Variants in PAPOLG observed in about 807,000 individuals in gnomAD.
PAPOLG encodes poly(A) polymerase gamma.
Under a neutral mutation model 99.0 loss-of-function variants are expected in PAPOLG, and 40 were observed. The ratio of observed to expected loss-of-function variants is 0.40; its 90% CI spans 0.31 to 0.53. PAPOLG has a LOEUF of 0.53. PAPOLG is among the 20% of genes least tolerant of loss of function. PAPOLG has a pLI of 0.41. For missense variants in PAPOLG, 675 were observed against 884.1 expected, an observed-to-expected ratio of 0.76 and a Z score of 3.00; for synonymous variants, 310 against 299.3, an observed-to-expected ratio of 1.04 and a Z score of -0.37.
At chr2:60,768,432 T>C (rs1558683749) in intron 3 of PAPOLG, 38 bp from the exon 4 acceptor site, 2 of 1,603,760 alleles carry the variant, frequency 1.2e-6, no homozygotes, top group Non-Finnish European at 1.7e-6. Flanking sequence ...GCTAAATAAT[T>C]TGAATAATTG....
At position 60,792,441 on chromosome 2, in the gene PAPOLG, TC is replaced by T. The variant is rs1671570294; in HGVS notation, c.1679+153del. 3 of 762,996 alleles carry T rather than the reference TC, an allele frequency of 3.9e-6. No homozygotes were observed. In the African/African-American group the frequency reaches 5.4e-5, roughly 14 times the overall value. 47.3% of individuals were successfully genotyped at this position (762,996 alleles called of 1,614,324 possible). A position where few individuals can be genotyped will look rare whatever the true frequency, so the allele number is the denominator to read the frequency against. On this transcript the variant is annotated intron_variant, in intron 17 of 21. Transcript: ENST00000238714. ...GGTCAATTTCTTGCTTAGAAATAACTCGTGGTAATCCTGTGGGAAACGGTAT... is the reference window on the plus strand; with the variant it reads ...GGTCAATTTCTTGCTTAGAAATAACTGTGGTAATCCTGTGGGAAACGGTAT...
intron 5 of PAPOLG, among the ~76,000 whole-genome samples, chr2:60,769,737 G>A (rs533878080): frequency 6.6e-6 from 1 of 152,078 alleles, no homozygotes. Context: ...GATGATAGCA[G>A]GTTTTTGTTT....
At chr2:60,784,681 A>G (rs1230469584) in intron 13 of PAPOLG, among the ~76,000 whole-genome samples, 1 of 152,228 alleles carries the variant, frequency 6.6e-6, no homozygotes, top group East Asian at 1.9e-4. Flanking sequence ...CAGTCAGAAA[A>G]TAGGGTCTAG....
intron 9 of PAPOLG, among the ~76,000 whole-genome samples, chr2:60,780,236 T>C (rs989732966): frequency 6.6e-6 from 1 of 151,898 alleles, no homozygotes; most frequent in Non-Finnish European, 1.5e-5. Context: ...AACACTGCAT[T>C]AAAATGAGCA....
At chr2:60,791,671 G>C in intron 15 of PAPOLG, 90 bp from the exon 16 acceptor site, 11 of 1,474,428 alleles carry the variant, frequency 7.5e-6, no homozygotes, top group Non-Finnish European at 9.1e-6. Context: ...ATAGTGGGGA[G>C]ATAGTAAAAG....
At position 60,794,264 on chromosome 2, in the gene PAPOLG, A is replaced by G. The variant is rs1479105123; in HGVS notation, c.1989+73A>G. 6.4e-6 allele frequency: 9 copies of G among 1,416,074 alleles called. No individual in the cohort carries two copies. In the Admixed American group the frequency reaches 7.2e-5, roughly 11 times the overall value. 87.7% of individuals were successfully genotyped at this position (1,416,074 alleles called of 1,614,324 possible). A position where few individuals can be genotyped will look rare whatever the true frequency, so the allele number is the denominator to read the frequency against. On this transcript the variant is annotated intron_variant, in intron 19 of 21. Transcript: ENST00000238714. ...GTTAATACTAAAGAAACAATTTTCC[A>G]TAGCTGTTGGTGTTCTGTTAGGAGT...
At position 60,797,273 on chromosome 2, in the gene PAPOLG, C is replaced by T. The variant is rs1040459626; in HGVS notation, c.*113C>T. ...ACGTGAAATAAGGTGAAAGTGACAG[C>T]CTTCAGTCTAATAACCTTGAAGTGG... On this transcript the variant is annotated 3_prime_UTR_variant, in exon 22 of 22. Coordinates refer to ENST00000238714, the MANE Select transcript of PAPOLG (RefSeq NM_022894.4). 204 of 1,336,404 alleles carry T rather than the reference C, an allele frequency of 1.5e-4. No homozygotes were observed. The highest frequency in any genetic ancestry group is 1.9e-4 in the Non-Finnish European group (180 of 954,040). 82.8% of individuals were successfully genotyped at this position (1,336,404 alleles called of 1,614,324 possible). A position where few individuals can be genotyped will look rare whatever the true frequency, so the allele number is the denominator to read the frequency against.
At chr2:60,790,101 A>C (rs1404939457) in intron 15 of PAPOLG, among the ~76,000 whole-genome samples, 1 of 152,240 alleles carries the variant, frequency 6.6e-6, no homozygotes, top group Non-Finnish European at 1.5e-5. Flanking sequence ...TCTCAAAAAA[A>C]GAAAAGAAAA....
At chr2:60,777,879 G>T (rs1203206060) in intron 8 of PAPOLG, among the ~76,000 whole-genome samples, 2 of 152,080 alleles carry the variant, frequency 1.3e-5, no homozygotes, top group African/African-American at 2.4e-5. Flanking sequence ...AGTTTGTGGT[G>T]CCCCAAAACA....
chr2:60,760,381 T>G, intron 2 of PAPOLG, 86 bp downstream of exon 2: 8 of 1,251,126 alleles, frequency 6.4e-6, no homozygotes, highest in Non-Finnish European at 9.0e-6. Context: ...ACTGTGTCTC[T>G]AGATACAGGT....
rs763179625 is a variant in PAPOLG, at chr2:60,793,621, C to T, written c.1680-6C>T. 6.2e-7 allele frequency: 1 copy of T among 1,612,834 alleles called. No homozygotes were observed. Among genetic ancestry groups the T allele is most frequent in the Non-Finnish European group, 8.5e-7 (1 of 1,179,400 alleles). ...TTTATTGATGATAATTTAACACTTT[C>T]ATTAGGAATAGTGCTGAGCCTGCTG... On this transcript the variant is annotated splice_polypyrimidine_tract_variant and splice_region_variant and intron_variant, in intron 17 of 21. Transcript: ENST00000238714.
chr2:60,787,385 C>G, intron 14 of PAPOLG, 126 bp from the exon 15 acceptor site: 1 of 1,236,832 alleles, frequency 8.1e-7, no homozygotes, highest in South Asian at 1.6e-5. Flanking sequence ...AAGAATCTGG[C>G]CAGACCACTG....
intron 15 of PAPOLG, among the ~76,000 whole-genome samples, chr2:60,791,015 G>C (rs185880234): frequency 6.6e-6 from 1 of 152,006 alleles, no homozygotes; most frequent in East Asian, 1.9e-4. Flanking sequence ...CTTGAACCCC[G>C]GAGGCAGAGG....
chr2:60,777,339 C>G (rs138381816), intron 8 of PAPOLG, among the ~76,000 whole-genome samples: 3 of 152,022 alleles, frequency 2.0e-5, no homozygotes, highest in Non-Finnish European at 2.9e-5. Flanking sequence ...GCCTGTAATC[C>G]CAGCTACTCG....
rs1451989110 is a variant in PAPOLG, at chr2:60,758,678, CT to C, written c.18-1454del. On this transcript the variant is annotated intron_variant, in intron 1 of 21. Transcript: ENST00000238714. The stretch of plus-strand genomic sequence containing the variant: ...TTCTGACCTCAAGTAATCCACCTGC[CT>C]TGGCCTCCCAGAGTACTGGGATTAC... Among the ~76,000 whole-genome samples, 51 of 152,234 alleles carry C rather than the reference CT, an allele frequency of 3.4e-4. 1 individual carries two copies. Among genetic ancestry groups the C allele is most frequent in the Admixed American group, 2.6e-3 (39 of 15,288 alleles).
chr2:60,773,903 C>T (rs990918130), intron 7 of PAPOLG, among the ~76,000 whole-genome samples: 1 of 152,178 alleles, frequency 6.6e-6, no homozygotes, highest in Admixed American at 6.5e-5. Flanking sequence ...AAATACCTAA[C>T]TGAATAACTA....
chr2:60,761,689 ACT>A (rs1573216975), intron 2 of PAPOLG, 50 bp from the exon 3 acceptor site: 2 of 1,497,588 alleles, frequency 1.3e-6, no homozygotes, highest in South Asian at 2.3e-5. Flanking sequence ...TTTTAAAAAT[ACT>A]GTTTGTTCAT....
chr2:60,795,189 C>A, intron 21 of PAPOLG, 169 bp downstream of exon 21: 4 of 664,764 alleles, frequency 6.0e-6, no homozygotes, highest in East Asian at 2.7e-5. Context: ...GTATATAGTT[C>A]TGAATGTATG....
intron 10 of PAPOLG, among the ~76,000 whole-genome samples, chr2:60,781,453 G>A (rs1447013713): frequency 6.6e-6 from 1 of 152,178 alleles, no homozygotes. Context: ...TTGTTCCAGG[G>A]TAGCATAATT....
Sources: allele counts gnomAD v4.1 joint callset (sites outside exome capture counted in the v4.1 genomes callset), GRCh38; gene constraint gnomAD v4.1.1; transcripts MANE v1.5; gene names NCBI Gene and HGNC (gene_info 2026-07-23, HGNC 2026-07-21).